CALN1: variants seen among roughly 807,000 people sequenced by gnomAD.
CALN1 encodes the protein calcium-binding protein 8.
CALN1 carries 17 observed loss-of-function variants against 30.6 expected under a neutral mutation model. That is an observed-to-expected ratio of 0.56 (90% confidence interval 0.38 to 0.83). The LOEUF is 0.83. CALN1 is among the 40% of genes least tolerant of loss of function. The pLI, the probability that CALN1 is intolerant of heterozygous loss-of-function variation, is 0.00. For synonymous variants in CALN1, 156 were observed against 131.4 expected, an observed-to-expected ratio of 1.19 and a Z score of -1.28; for missense variants, 291 against 354.9, an observed-to-expected ratio of 0.82 and a Z score of 1.45.
At chr7:72,323,736 ACT>A (rs1801069971) in intron 2 of CALN1, among the ~76,000 whole-genome samples, 2 of 152,086 alleles carry the variant, frequency 1.3e-5, no homozygotes, top group East Asian at 3.9e-4. Flanking sequence ...CCTTCCCCAA[ACT>A]CAACGATCAT....
At chr7:71,937,352 A>G (rs1795895220) in intron 5 of CALN1, among the ~76,000 whole-genome samples, 1 of 151,986 alleles carries the variant, frequency 6.6e-6, no homozygotes, top group African/African-American at 2.4e-5. Flanking sequence ...ACGTATTTAT[A>G]TGTGTGTATA....
At chr7:72,079,638 C>T (rs866809998) in intron 4 of CALN1, among the ~76,000 whole-genome samples, 7 of 152,232 alleles carry the variant, frequency 4.6e-5, no homozygotes, top group South Asian at 4.1e-4. Context: ...TCTGGGTCAC[C>T]ATGGTCGTAG....
chr7:71,891,052 T>C (rs1414266168), intron 5 of CALN1, among the ~76,000 whole-genome samples: 1 of 152,082 alleles, frequency 6.6e-6, no homozygotes, highest in Non-Finnish European at 1.5e-5. Flanking sequence ...TGGCCTTGTT[T>C]CCTAACTTTC....
the CALN1 span, among the ~76,000 whole-genome samples, chr7:72,473,166 G>A: frequency 1.3e-5 from 2 of 151,428 alleles, no homozygotes; most frequent in Admixed American, 1.3e-4. Flanking sequence ...GCCTAGGCTG[G>A]TCTCGAACTC....
chr7:72,017,690 A>T (rs1336410862), intron 5 of CALN1, among the ~76,000 whole-genome samples: 1 of 152,194 alleles, frequency 6.6e-6, no homozygotes, highest in Non-Finnish European at 1.5e-5. Flanking sequence ...CCATCCAATG[A>T]GCAGATCTAT....
At chr7:71,895,014 A>G (rs1793458499) in intron 5 of CALN1, among the ~76,000 whole-genome samples, 1 of 150,912 alleles carries the variant, frequency 6.6e-6, no homozygotes, top group African/African-American at 2.4e-5. Flanking sequence ...GAGTGCAGTG[A>G]TGCAGTCTTG....
At chr7:72,135,554 A>G (rs559203566) in intron 3 of CALN1, among the ~76,000 whole-genome samples, 1 of 152,308 alleles carries the variant, frequency 6.6e-6, no homozygotes, top group South Asian at 2.1e-4. Context: ...TCTGAGCAGT[A>G]TTTCTCAACA....
chr7:72,403,908 C>T (rs114684389), intron 1 of CALN1, among the ~76,000 whole-genome samples: 1 of 152,326 alleles, frequency 6.6e-6, no homozygotes, highest in African/African-American at 2.4e-5. Flanking sequence ...GGCCCAGCCT[C>T]CCAAACTTAG....
chr7:71,869,134 A>G (rs1310440357), intron 5 of CALN1, among the ~76,000 whole-genome samples: 1 of 152,190 alleles, frequency 6.6e-6, no homozygotes, highest in Non-Finnish European at 1.5e-5. Context: ...AAACTCTCCC[A>G]TAAGGGTCTA....
intron 3 of CALN1, among the ~76,000 whole-genome samples, chr7:72,247,837 T>A (rs927141794): frequency 2.6e-5 from 4 of 151,926 alleles, no homozygotes; most frequent in African/African-American, 7.3e-5. Context: ...CTACAAAAAA[T>A]TTAAAAATTA....
At chr7:72,114,199 G>C (rs1315434243) in intron 3 of CALN1, among the ~76,000 whole-genome samples, 1 of 143,050 alleles carries the variant, frequency 7.0e-6, no homozygotes. Context: ...TGGTCAACAT[G>C]GTAAAACCCA....
Position 72,182,520 on chromosome 7 carries a change from G to C in CALN1, c.245-76226C>G, listed in dbSNP as rs1027104353. 3.3e-5 allele frequency among the ~76,000 whole-genome samples: 5 copies of C among 152,214 alleles called. No homozygotes were observed. The South Asian group carries it at 1.0e-3, about 32-fold the overall frequency. On this transcript the variant is annotated intron_variant, in intron 3 of 6. Coordinates refer to ENST00000395275, the MANE Select transcript of CALN1 (RefSeq NM_031468.4). The stretch of plus-strand genomic sequence containing the variant: ...AGATTACTTGAGGCCAGGAGTTCGA[G>C]ACCAACCTGGGCAACATGGTGAAAC...
intron 4 of CALN1, among the ~76,000 whole-genome samples, chr7:72,032,819 GA>G (rs1449632882): frequency 6.6e-6 from 1 of 152,126 alleles, no homozygotes; most frequent in Non-Finnish European, 1.5e-5. Context: ...GCACACGTCT[GA>G]AGTCTCTTCC....
At chr7:71,997,241 AAAAG>A (rs533030998) in intron 5 of CALN1, among the ~76,000 whole-genome samples, 134 of 147,026 alleles carry the variant, frequency 9.1e-4, no homozygotes, top group Middle Eastern at 3.4e-3. Context: ...TCTAAAAAAA[AAAAG>A]AAAGAAAGAA....
intron 1 of CALN1, among the ~76,000 whole-genome samples, chr7:72,434,550 G>C (rs1415794671): frequency 6.6e-6 from 1 of 151,514 alleles, no homozygotes; most frequent in East Asian, 1.9e-4. Flanking sequence ...AGAAGGAGAA[G>C]GAGGGGAAGA....
chr7:72,149,568 A>G (rs1787057420), intron 3 of CALN1, among the ~76,000 whole-genome samples: 1 of 152,154 alleles, frequency 6.6e-6, no homozygotes, highest in African/African-American at 2.4e-5. Flanking sequence ...TAACACACAC[A>G]GAAACCCTGA....
intron 1 of CALN1, among the ~76,000 whole-genome samples, chr7:72,429,112 G>A (rs1463076338): frequency 1.3e-5 from 2 of 152,300 alleles, no homozygotes; most frequent in African/African-American, 2.4e-5. Context: ...GATCATTCAT[G>A]AAGTCCAGGG....
chr7:72,169,132 C>T (rs1788756114), intron 3 of CALN1, among the ~76,000 whole-genome samples: 1 of 151,756 alleles, frequency 6.6e-6, no homozygotes, highest in South Asian at 2.1e-4. Flanking sequence ...CGCCTTCTTC[C>T]CTACATTTAC....
chr7:72,411,923 A>T (rs1462577611), intron 1 of CALN1, 135 bp downstream of exon 1: 1 of 152,162 alleles, frequency 6.6e-6, no homozygotes, highest in Non-Finnish European at 1.5e-5. Context: ...ATAAAGAAAA[A>T]ATCATAGATT....
Sources: gnomAD v4.1 joint callset for allele counts (sites outside exome capture counted in the v4.1 genomes callset) on GRCh38, gnomAD v4.1.1 for gene constraint, MANE v1.5 for transcripts, NCBI Gene and HGNC (gene_info 2026-07-23, HGNC 2026-07-21) for gene names.